The following SPRYD7 variants were observed in gnomAD, a reference collection of about 807,000 sequenced individuals.
SPRYD7 encodes the protein SPRY domain containing 7, also known as SPRY domain-containing protein 7.
In SPRYD7, 14 loss-of-function variants were observed where a neutral mutation model predicts 23.8. The observed-to-expected ratio is 0.59, with a 90% CI of 0.39 to 0.92. The LOEUF (loss-of-function observed/expected upper bound fraction) is 0.92. SPRYD7 is among the 40% of genes least tolerant of loss of function. SPRYD7 has a pLI of 0.00. For missense variants in SPRYD7, 194 were observed against 241.7 expected, an observed-to-expected ratio of 0.80 and a Z score of 1.31; for synonymous variants, 75 against 84.9, an observed-to-expected ratio of 0.88 and a Z score of 0.64.
chr13:49,931,746 C>T (rs563169397), intron 1 of SPRYD7, among the ~76,000 whole-genome samples: 20 of 151,730 alleles, frequency 1.3e-4, no homozygotes, highest in Admixed American at 6.6e-5. Context: ...TGCAGGAAGT[C>T]GAGACCAGCC....
intron 3 of SPRYD7, among the ~76,000 whole-genome samples, chr13:49,925,356 CA>C (rs1955870350): frequency 1.3e-5 from 2 of 152,190 alleles, no homozygotes; most frequent in Non-Finnish European, 2.9e-5. Context: ...GGCACCACTG[CA>C]ATCCAGCCTG....
chr13:49,925,390 T>C (rs1011621935), intron 3 of SPRYD7, among the ~76,000 whole-genome samples: 1 of 152,062 alleles, frequency 6.6e-6, no homozygotes, highest in Non-Finnish European at 1.5e-5. Context: ...AGACTCCATC[T>C]CAATAAATAA....
intron 3 of SPRYD7, among the ~76,000 whole-genome samples, chr13:49,923,251 GT>G (rs916763370): frequency 4.7e-5 from 7 of 147,600 alleles, no homozygotes; most frequent in African/African-American, 1.7e-4. Context: ...TTTGTTTTTT[GT>G]TTTTTTTTTG....
At chr13:49,932,473 G>A (rs181008962) in intron 1 of SPRYD7, among the ~76,000 whole-genome samples, 3 of 152,294 alleles carry the variant, frequency 2.0e-5, no homozygotes, top group Admixed American at 6.5e-5. Context: ...GTACCAATTT[G>A]ATTTAGGAAA....
chr13:49,936,241 A>G lies in SPRYD7; in HGVS notation c.-6T>C. The G allele has an allele frequency of 1.3e-6, 2 of 1,596,724 alleles. No homozygotes were observed. Among genetic ancestry groups the G allele is most frequent in the South Asian group, 1.1e-5 (1 of 89,510 alleles). ...CACAACACCGAGGTGGCCATCGCGC[A>G]GGGACCACCGACTCCGCCGCCGTCC... On this transcript the variant is annotated 5_prime_UTR_variant, in exon 1 of 5. Coordinates refer to ENST00000361840, the MANE Select transcript of SPRYD7 (RefSeq NM_020456.4).
chr13:49,921,730 T>TAA, intron 3 of SPRYD7, 150 bp from the exon 4 acceptor site: 1 of 576,472 alleles, frequency 1.7e-6, no homozygotes, highest in Non-Finnish European at 3.1e-6. Context: ...TGAACTGAGC[T>TAA]AAAAAAATGA....
chr13:49,915,611 C>G (rs1343425822), intron 4 of SPRYD7, among the ~76,000 whole-genome samples: 2 of 152,190 alleles, frequency 1.3e-5, no homozygotes, highest in African/African-American at 4.8e-5. Context: ...GACTACAGCT[C>G]AACATCCAAA....
chr13:49,926,689 C>T (rs1955886214), intron 3 of SPRYD7, among the ~76,000 whole-genome samples: 1 of 152,132 alleles, frequency 6.6e-6, no homozygotes, highest in African/African-American at 2.4e-5. Flanking sequence ...TTCATTCTTT[C>T]TAAAATACTG....
intron 1 of SPRYD7, chr13:49,935,804 T>C (rs1351675050): frequency 1.8e-5 from 4 of 216,590 alleles, no homozygotes; most frequent in Non-Finnish European, 2.7e-5. Context: ...AGGTTTTCAC[T>C]GGGGCGCGCC....
intron 1 of SPRYD7, among the ~76,000 whole-genome samples, chr13:49,933,630 GAA>G (rs1328924922): frequency 1.3e-5 from 2 of 150,818 alleles, no homozygotes; most frequent in African/African-American, 4.9e-5. Flanking sequence ...AAAAAAGAAA[GAA>G]AGAATATTCA....
intron 3 of SPRYD7, among the ~76,000 whole-genome samples, chr13:49,923,960 T>C (rs1490489201): frequency 6.6e-6 from 1 of 151,966 alleles, no homozygotes; most frequent in East Asian, 1.9e-4. Context: ...ATCTTGGTTT[T>C]TGTTTTTGTT....
chr13:49,936,223 C>A lies in SPRYD7; in HGVS notation c.13G>T (p.Val5Leu). The A allele has an allele frequency of 6.2e-7, 1 of 1,604,104 alleles. No individual in the cohort carries two copies. Among genetic ancestry groups the A allele is most frequent in the Non-Finnish European group, 8.5e-7 (1 of 1,177,424 alleles). Residue 5 changes from valine (V) to leucine (L), a missense_variant, in exon 1 of 5, where the codon GTG (valine) becomes TTG (leucine). Val to Leu is a conservative substitution (Grantham distance 32). Transcript: ENST00000361840. MATS[V>L]LCCLRCCRDG... is the part of the protein sequence containing the mutation. ...CTGCAGCACCGCAGGCAGCACAACA[C>A]CGAGGTGGCCATCGCGCAGGGACCA... is the stretch of plus-strand genomic sequence containing the variant.
At chr13:49,919,308 G>A (rs1424140372) in intron 4 of SPRYD7, among the ~76,000 whole-genome samples, 1 of 151,880 alleles carries the variant, frequency 6.6e-6, no homozygotes, top group Non-Finnish European at 1.5e-5. Context: ...CACTTTGGAA[G>A]GCCGAGGCGG....
chr13:49,916,396 C>G (rs773778340), intron 4 of SPRYD7, among the ~76,000 whole-genome samples: 1 of 151,924 alleles, frequency 6.6e-6, no homozygotes, highest in Non-Finnish European at 1.5e-5. Context: ...ATTTGACATT[C>G]ATGAAGTCAC....
At chr13:49,924,267 G>T (rs1157275526) in intron 3 of SPRYD7, among the ~76,000 whole-genome samples, 7 of 151,576 alleles carry the variant, frequency 4.6e-5, no homozygotes, top group Non-Finnish European at 1.0e-4. Flanking sequence ...GATTACAGGC[G>T]TGAGCCACCG....
At position 49,931,067 on chromosome 13, in the gene SPRYD7, T is replaced by G; in HGVS notation, c.174A>C (p.Ala58=). Residue 58 remains alanine, a synonymous_variant, in exon 2 of 5, where the codon GCA becomes GCC. Transcript: ENST00000361840. ...AATAGCTTTTGTTTTGATGTAAAGG[T>G]GCGCTGGCTAAACAACCTCCTGTTC... The part of the protein sequence containing the change: ...ICGTGGCLAS[A]PLHQNKSYFE... 6.2e-7 allele frequency: 1 copy of G among 1,613,800 alleles called. No homozygotes were observed.
chr13:49,917,368 G>T lies in SPRYD7; in HGVS notation c.494-2208C>A, dbSNP rs765131665. On this transcript the variant is annotated intron_variant, in intron 4 of 4. Coordinates refer to ENST00000361840, the MANE Select transcript of SPRYD7 (RefSeq NM_020456.4). ...TCCGCCTGCCTCAGCCTCCCAAAGT[G>T]CTGGGATTACAGGCGTGAGCTACTG... 1.4e-4 allele frequency among the ~76,000 whole-genome samples: 22 copies of T among 152,188 alleles called. 1 individual carries two copies. The highest frequency in any genetic ancestry group is 2.8e-4 in the Non-Finnish European group (19 of 68,038).
At position 49,915,004 on chromosome 13, in the gene SPRYD7, T is replaced by C. The variant is rs556736497; in HGVS notation, c.*59A>G. ...TTCATCTATAGGCCAGGTAAAGTTT[T>C]ATTAAATGATGAACATTTTTTAACA... On this transcript the variant is annotated 3_prime_UTR_variant, in exon 5 of 5. Transcript: ENST00000361840. The C allele has an allele frequency of 6.9e-5, 67 of 977,878 alleles. No individual in the cohort carries two copies. The South Asian group carries it at 1.1e-3, about 16-fold the overall frequency. 60.6% of individuals were successfully genotyped at this position (977,878 alleles called of 1,614,324 possible).
chr13:49,936,262 C>G lies in SPRYD7; in HGVS notation c.-27G>C. The stretch of plus-strand genomic sequence containing the variant: ...GCGCAGGGACCACCGACTCCGCCGC[C>G]GTCCCTAGACCGAGGCGACACTGCC... On this transcript the variant is annotated 5_prime_UTR_variant, in exon 1 of 5. Transcript: ENST00000361840. The G allele has an allele frequency of 1.3e-6, 2 of 1,546,884 alleles. No homozygotes were observed. The highest frequency in any genetic ancestry group is 4.7e-5 in the East Asian group (2 of 42,800).
Sources: gnomAD v4.1 joint callset for allele counts (sites outside exome capture counted in the v4.1 genomes callset) on GRCh38, gnomAD v4.1.1 for gene constraint, MANE v1.5 for transcripts, NCBI Gene and HGNC (gene_info 2026-07-23, HGNC 2026-07-21) for gene names.